MAGI1: variants seen among roughly 807,000 people sequenced by gnomAD.
MAGI1 encodes membrane associated guanylate kinase, WW and PDZ domain containing 1.
MAGI1 carries 58 observed loss-of-function variants against 139.9 expected under a neutral mutation model. The ratio of observed to expected loss-of-function variants is 0.41; its 90% CI spans 0.34 to 0.52. MAGI1 has a LOEUF of 0.52. Ranked by LOEUF, MAGI1 falls within the 20% of genes least tolerant of loss-of-function variation. The pLI is 0.12. For synonymous variants in MAGI1, 812 were observed against 737.9 expected, an observed-to-expected ratio of 1.10 and a Z score of -1.63; for missense variants, 1,874 against 1,901.6, an observed-to-expected ratio of 0.99 and a Z score of 0.27.
chr3:65,949,796 G>C (rs2063709655), intron 1 of MAGI1, among the ~76,000 whole-genome samples: 1 of 152,086 alleles, frequency 6.6e-6, no homozygotes, highest in Non-Finnish European at 1.5e-5. Flanking sequence ...ATTTAAACTA[G>C]ATTGGGGCTG....
At chr3:65,655,025 G>C (rs2085793699) in intron 1 of MAGI1, among the ~76,000 whole-genome samples, 2 of 152,156 alleles carry the variant, frequency 1.3e-5, no homozygotes, top group African/African-American at 4.8e-5. Context: ...ATTTCAAAAG[G>C]TGAATACTGG....
chr3:65,615,877 C>T (rs1356412417), intron 2 of MAGI1, among the ~76,000 whole-genome samples: 2 of 152,160 alleles, frequency 1.3e-5, no homozygotes, highest in Admixed American at 1.3e-4. Context: ...AAACCACGTA[C>T]AAGCAGTGCA....
At chr3:65,493,936 G>C (rs1428955263) in intron 2 of MAGI1, among the ~76,000 whole-genome samples, 1 of 152,126 alleles carries the variant, frequency 6.6e-6, no homozygotes, top group Non-Finnish European at 1.5e-5. Context: ...AGGTGAACTG[G>C]ATTTTATACA....
intron 1 of MAGI1, among the ~76,000 whole-genome samples, chr3:66,033,812 T>C (rs1362137119): frequency 2.0e-5 from 3 of 152,186 alleles, no homozygotes; most frequent in African/African-American, 4.8e-5. Context: ...TGCAAAAATA[T>C]GTAAGCATGA....
At chr3:65,567,905 G>A (rs2080749185) in intron 2 of MAGI1, among the ~76,000 whole-genome samples, 2 of 152,060 alleles carry the variant, frequency 1.3e-5, no homozygotes, top group South Asian at 4.2e-4. Context: ...GTATCCCACT[G>A]GCATGTTATG....
At chr3:65,618,241 A>AAG (rs2083475201) in intron 2 of MAGI1, among the ~76,000 whole-genome samples, 5 of 152,272 alleles carry the variant, frequency 3.3e-5, no homozygotes, top group African/African-American at 1.2e-4. Context: ...AAACTGGAGG[A>AAG]GGAGAAAGAG....
chr3:65,831,489 C>T (rs968437338), intron 1 of MAGI1, among the ~76,000 whole-genome samples: 11 of 152,180 alleles, frequency 7.2e-5, no homozygotes, highest in African/African-American at 2.2e-4. Flanking sequence ...ACCACATACA[C>T]GGTTGAACTT....
At chr3:65,472,188 T>C (rs902970648) in intron 4 of MAGI1, among the ~76,000 whole-genome samples, 1 of 152,122 alleles carries the variant, frequency 6.6e-6, no homozygotes, top group African/African-American at 2.4e-5. Context: ...TAGAAATTAC[T>C]AATCAATAAC....
intron 22 of MAGI1, among the ~76,000 whole-genome samples, chr3:65,357,478 G>T (rs899332753): frequency 6.6e-6 from 1 of 151,946 alleles, no homozygotes; most frequent in African/African-American, 2.4e-5. Context: ...GCTATCCCTT[G>T]TTCTTCCTTT....
At chr3:65,897,870 T>C (rs1435840596) in intron 1 of MAGI1, among the ~76,000 whole-genome samples, 3 of 123,488 alleles carry the variant, frequency 2.4e-5, no homozygotes, top group East Asian at 2.5e-4. Flanking sequence ...CCAAAAAAAA[T>C]AAAAAAAGAA....
intron 1 of MAGI1, among the ~76,000 whole-genome samples, chr3:65,819,292 C>G (rs769229297): frequency 6.6e-6 from 1 of 151,656 alleles, no homozygotes; most frequent in Non-Finnish European, 1.5e-5. Flanking sequence ...TCTCAAAAAA[C>G]AAACAAACAA....
rs753519718 is a variant in MAGI1 at position 65,953,000 on chromosome 3, CTAT to C, written c.313+84993_313+84995del. On this transcript the variant is annotated intron_variant, in intron 1 of 22. Coordinates refer to ENST00000402939, the MANE Select transcript of MAGI1 (RefSeq NM_001033057.2). ...CCTAATACAACCTATGAGTCAAGTA[CTAT>C]TATTATCCCCCTTTTACAGATGAGA... is the stretch of plus-strand genomic sequence containing the variant. Among the ~76,000 whole-genome samples the C allele has an allele frequency of 5.5e-4, 83 of 152,266 alleles. 1 individual carries two copies. Among genetic ancestry groups the C allele is most frequent in the Non-Finnish European group, 1.0e-3 (69 of 68,016 alleles).
chr3:65,607,023 A>C (rs2082777060), intron 2 of MAGI1, among the ~76,000 whole-genome samples: 2 of 152,164 alleles, frequency 1.3e-5, no homozygotes, highest in Admixed American at 1.3e-4. Flanking sequence ...ATGGGTTTTT[A>C]AAGCAAGCTC....
At chr3:66,029,546 C>G (rs548260233) in intron 1 of MAGI1, among the ~76,000 whole-genome samples, 1 of 152,268 alleles carries the variant, frequency 6.6e-6, no homozygotes, top group Non-Finnish European at 1.5e-5. Flanking sequence ...GCCAGAAGAA[C>G]CTCTCAGTCT....
intron 1 of MAGI1, among the ~76,000 whole-genome samples, chr3:65,644,416 C>CAAAAAAAA (rs750068803): frequency 1.0e-3 from 106 of 102,830 alleles, no homozygotes; most frequent in African/African-American, 3.3e-3. Context: ...AACCTCAGCC[C>CAAAAAAAA]AAAAAAAAAA....
At chr3:65,425,149 T>C (rs534815126) in intron 12 of MAGI1, among the ~76,000 whole-genome samples, 1 of 124,790 alleles carries the variant, frequency 8.0e-6, no homozygotes, top group Non-Finnish European at 1.7e-5. Context: ...AAAACACACA[T>C]GCCTAAACAT....
intron 2 of MAGI1, among the ~76,000 whole-genome samples, chr3:65,605,111 C>T (rs2082673906): frequency 6.6e-6 from 1 of 152,206 alleles, no homozygotes; most frequent in African/African-American, 2.4e-5. Context: ...AAACTTCAAA[C>T]ATTTATTGTA....
chr3:65,856,197 G>C (rs1158394813), intron 1 of MAGI1, among the ~76,000 whole-genome samples: 1 of 152,112 alleles, frequency 6.6e-6, no homozygotes, highest in East Asian at 1.9e-4. Context: ...ATAGTGGATA[G>C]TAAAGGTCTA....
rs1455370174 is a variant in MAGI1 at position 65,914,231 on chromosome 3, C to G, written c.313+123765G>C. On this transcript the variant is annotated intron_variant, in intron 1 of 22. Coordinates refer to ENST00000402939, the MANE Select transcript of MAGI1 (RefSeq NM_001033057.2). ...TAAACCCGGCGGGGACTTCTACCAACAGAGGGCCTCCTGTGAAAAGCCTGG... is the reference window on the plus strand; with the variant it reads ...TAAACCCGGCGGGGACTTCTACCAAGAGAGGGCCTCCTGTGAAAAGCCTGG... The G allele has an allele frequency of 1.3e-5, 2 of 152,202 alleles. 1 individual carries two copies. Among genetic ancestry groups the G allele is most frequent in the Admixed American group, 1.3e-4 (2 of 15,272 alleles). 9.4% of individuals were successfully genotyped at this position (152,202 alleles called of 1,614,324 possible). A position where few individuals can be genotyped will look rare whatever the true frequency, so the allele number is the denominator to read the frequency against.
Sources: gnomAD v4.1 joint callset for allele counts (sites outside exome capture counted in the v4.1 genomes callset) on GRCh38, gnomAD v4.1.1 for gene constraint, MANE v1.5 for transcripts, NCBI Gene and HGNC (gene_info 2026-07-23, HGNC 2026-07-21) for gene names.